The following JMJD1C variants were observed in gnomAD, a reference collection of about 807,000 sequenced individuals.
JMJD1C encodes jumonji domain containing 1C, also known as jumonji domain-containing protein 1C.
A neutral mutation model predicts 245.3 loss-of-function variants in JMJD1C; 31 were observed. The observed-to-expected ratio is 0.13, with a 90% CI of 0.09 to 0.17. The LOEUF (loss-of-function observed/expected upper bound fraction) is 0.17. JMJD1C is among the 10% of genes least tolerant of loss of function. The pLI is 1.00. For synonymous variants in JMJD1C, 1,057 were observed against 1,017.4 expected, an observed-to-expected ratio of 1.04 and a Z score of -0.74; for missense variants, 2,691 against 3,000.2, an observed-to-expected ratio of 0.90 and a Z score of 2.41.
chr10:63,189,170 G>C lies in JMJD1C; in HGVS notation c.6568C>G (p.Gln2190Glu), dbSNP rs1435029929. ...KLFKECWKQG[Q>E]PAVVSGVHKK... ...CTTTATCAGCCTAAAATACACACCT[G>C]TCCTTGTTTCCAACATTCTTTGAAA... Residue 2190 changes from glutamine to glutamate, a missense_variant and splice_region_variant, in exon 18 of 26, where the codon CAG (glutamine) becomes GAG (glutamate). By Grantham distance (29) the Gln-to-Glu change is conservative. This residue lies in a region of JMJD1C where 232 missense variants were observed against 416.1 expected (regional missense o/e 0.56). Transcript: ENST00000399262. 6.2e-7 allele frequency: 1 copy of C among 1,605,068 alleles called. No individual in the cohort carries two copies. The highest frequency in any genetic ancestry group is 2.2e-5 in the East Asian group (1 of 44,738).
chr10:63,261,193 A>C (rs1854692645), intron 3 of JMJD1C, among the ~76,000 whole-genome samples: 1 of 152,172 alleles, frequency 6.6e-6, no homozygotes, highest in African/African-American at 2.4e-5. Context: ...ATGTTGGTTC[A>C]ATTTCTCTTT....
At chr10:63,427,327 C>T in intron 1 of JMJD1C, 1 of 1,032,070 alleles carries the variant, frequency 9.7e-7, no homozygotes, top group Non-Finnish European at 1.4e-6. Flanking sequence ...CCAGGGCGTG[C>T]TCCAGAGTTC....
At chr10:63,391,239 G>A (rs1948028155) in intron 1 of JMJD1C, among the ~76,000 whole-genome samples, 1 of 152,128 alleles carries the variant, frequency 6.6e-6, no homozygotes, top group South Asian at 2.1e-4. Context: ...GGCCAGGCGT[G>A]GTGGCTGATG....
intron 2 of JMJD1C, among the ~76,000 whole-genome samples, chr10:63,370,567 C>A (rs925356705): frequency 6.6e-6 from 1 of 152,178 alleles, no homozygotes; most frequent in African/African-American, 2.4e-5. Flanking sequence ...TTGATAACTG[C>A]TATTTTCCCC....
chr10:63,423,497 G>C (rs997201137), intron 1 of JMJD1C, among the ~76,000 whole-genome samples: 1 of 152,132 alleles, frequency 6.6e-6, no homozygotes. Flanking sequence ...TTCCTTTTTA[G>C]GCACCAATGA....
At chr10:63,247,886 A>T (rs1186584280) in intron 3 of JMJD1C, among the ~76,000 whole-genome samples, 1 of 152,010 alleles carries the variant, frequency 6.6e-6, no homozygotes, top group Non-Finnish European at 1.5e-5. Context: ...AGGAGGGAAT[A>T]CTTCCAAACT....
intron 3 of JMJD1C, among the ~76,000 whole-genome samples, chr10:63,243,317 G>A (rs9415673): frequency 0.015 from 2,248 of 151,594 alleles, 51 homozygotes; most frequent in African/African-American, 0.052. Context: ...ACCTGAGGTC[G>A]GGAGCTCGGG....
chr10:63,412,341 T>C (rs1949536690), intron 1 of JMJD1C, among the ~76,000 whole-genome samples: 1 of 152,062 alleles, frequency 6.6e-6, no homozygotes, highest in African/African-American at 2.4e-5. Context: ...AGTACTGTAC[T>C]TATTGATTCC....
intron 2 of JMJD1C, among the ~76,000 whole-genome samples, chr10:63,305,366 C>A (rs1222848222): frequency 1.2e-4 from 13 of 106,598 alleles, no homozygotes; most frequent in East Asian, 2.7e-4. Flanking sequence ...GACTCCACCT[C>A]AAAAAAAAAA....
chr10:63,521,592 C>A, intron 1 of JMJD1C: 1 of 1,406,090 alleles, frequency 7.1e-7, no homozygotes. Context: ...GTGCCTCTCA[C>A]TGCGCCCTGC....
chr10:63,421,221 C>G (rs1385591890), intron 1 of JMJD1C, among the ~76,000 whole-genome samples: 1 of 152,160 alleles, frequency 6.6e-6, no homozygotes, highest in African/African-American at 2.4e-5. Context: ...GTAATCCCAA[C>G]TACGCGGGAG....
intron 2 of JMJD1C, among the ~76,000 whole-genome samples, chr10:63,285,406 T>A (rs1302546529): frequency 6.6e-6 from 1 of 152,218 alleles, no homozygotes; most frequent in Non-Finnish European, 1.5e-5. Flanking sequence ...CAGACCCTGC[T>A]AAGCCAACAT....
chr10:63,200,753 C>T, intron 10 of JMJD1C, 76 bp from the exon 11 acceptor site: 1 of 1,256,688 alleles, frequency 8.0e-7, no homozygotes, highest in Non-Finnish European at 1.1e-6. Context: ...AAATTCAAGT[C>T]AGTTATACAA....
chr10:63,429,549 G>C (rs915154933), intron 1 of JMJD1C, among the ~76,000 whole-genome samples: 1 of 152,116 alleles, frequency 6.6e-6, no homozygotes, highest in African/African-American at 2.4e-5. Flanking sequence ...TGCATAAAAC[G>C]AGTTGCTTTG....
chr10:63,292,876 T>C (rs1015096598), intron 2 of JMJD1C, among the ~76,000 whole-genome samples: 3 of 151,952 alleles, frequency 2.0e-5, no homozygotes, highest in Non-Finnish European at 4.4e-5. Context: ...GAAACCCCTC[T>C]CTACAAAAAA....
intron 2 of JMJD1C, among the ~76,000 whole-genome samples, chr10:63,335,023 GAAAAAA>G (rs139232339): frequency 2.0e-5 from 2 of 100,836 alleles, no homozygotes; most frequent in African/African-American, 8.2e-5. Context: ...TCTGTCTTTG[GAAAAAA>G]ATAAAAAAAA....
At chr10:63,401,066 C>T (rs1178934132) in intron 1 of JMJD1C, among the ~76,000 whole-genome samples, 26 of 152,144 alleles carry the variant, frequency 1.7e-4, no homozygotes, top group Admixed American at 5.2e-4. Context: ...GCCATGTTGG[C>T]CAGGCTGGTC....
rs748501330 is a variant in JMJD1C at position 63,215,590 on chromosome 10, C to T, written c.785G>A (p.Arg262His). Residue 262 changes from arginine (R) to histidine (H), a missense_variant, in exon 6 of 26, where the codon CGC becomes CAC. Transcript: ENST00000399262. ...KGENIGITSR[R>H]RSRANQNVNA... ...GACGTTTTGATTGGCACGAGACCTG[C>T]GTCGTGATGTAATGCCAATATTTTC... 6 of 1,610,458 alleles carry T rather than the reference C, an allele frequency of 3.7e-6. No homozygotes were observed. In the South Asian group the frequency reaches 4.4e-5, roughly 12 times the overall value.
chr10:63,280,703 GC>G (rs1857283452), intron 2 of JMJD1C, among the ~76,000 whole-genome samples: 1 of 152,106 alleles, frequency 6.6e-6, no homozygotes, highest in African/African-American at 2.4e-5. Flanking sequence ...GTGTTTAAGA[GC>G]AAAGTACAGA....
Sources: gnomAD v4.1 joint callset for allele counts (sites outside exome capture counted in the v4.1 genomes callset) on GRCh38, gnomAD v4.1.1 for gene constraint, gnomAD v4.1.1 regional missense constraint, MANE v1.5 for transcripts, NCBI Gene and HGNC (gene_info 2026-07-23, HGNC 2026-07-21) for gene names.